CAMTA1: variants seen among roughly 807,000 people sequenced by gnomAD.
The protein encoded by CAMTA1 is calmodulin binding transcription activator 1.
CAMTA1 carries 27 observed loss-of-function variants against 170.9 expected under a neutral mutation model. The ratio of observed to expected loss-of-function variants is 0.16; its 90% CI spans 0.12 to 0.22. CAMTA1 has a LOEUF of 0.22. CAMTA1 is among the 10% of genes least tolerant of loss of function. The probability of loss-of-function intolerance (pLI) is 1.00; values close to 1 mark genes in which losing one functional copy is unlikely to be tolerated. For synonymous variants in CAMTA1, 833 were observed against 891.5 expected (o/e 0.93, Z 1.17); for missense variants, 1,619 against 2,217.2 (o/e 0.73, Z 5.42).
chr1:7,549,440 C>T lies in CAMTA1; in HGVS notation c.510+81539C>T, dbSNP rs536209662. ...CTTGGCCACCTCCCTCATCCTTATTCCCCCGATTGGTGCCCACAGAACCTG... is the reference window on the plus strand; with the variant it reads ...CTTGGCCACCTCCCTCATCCTTATTTCCCCGATTGGTGCCCACAGAACCTG... On this transcript the variant is annotated intron_variant, in intron 6 of 22. Coordinates refer to ENST00000303635, the MANE Select transcript of CAMTA1 (RefSeq NM_015215.4). Among the ~76,000 whole-genome samples, 99 of 152,224 alleles carry T rather than the reference C, an allele frequency of 6.5e-4. 2 individuals carry two copies. The South Asian group carries it at 0.02, about 31-fold the overall frequency.
At chr1:7,076,910 AGCTGGGT>A (rs1175851997) in intron 3 of CAMTA1, among the ~76,000 whole-genome samples, 1 of 152,224 alleles carries the variant, frequency 6.6e-6, no homozygotes, top group Admixed American at 6.5e-5. Flanking sequence ...AAATGCTCAA[AGCTGGGT>A]TGCTTGTTTG....
At chr1:7,552,580 C>T (rs1399508591) in intron 6 of CAMTA1, among the ~76,000 whole-genome samples, 1 of 152,248 alleles carries the variant, frequency 6.6e-6, no homozygotes. Flanking sequence ...CTCGCCTGGG[C>T]TTCAGGCCGC....
chr1:6,785,731 G>T (rs1055128232), intron 1 of CAMTA1, among the ~76,000 whole-genome samples, 156 bp downstream of exon 1: 8 of 137,028 alleles, frequency 5.8e-5, no homozygotes, highest in Admixed American at 2.8e-4. Context: ...CCGGCGGGGT[G>T]GGGGGGCGGA....
intron 5 of CAMTA1, among the ~76,000 whole-genome samples, chr1:7,281,995 T>C (rs1025664149): frequency 6.6e-6 from 1 of 152,166 alleles, no homozygotes; most frequent in African/African-American, 2.4e-5. Context: ...TCCTGAAGAA[T>C]GCACAGCTGC....
rs748363337 is a variant in CAMTA1, at chr1:7,674,122, CGGG to C, written c.2779+3086_2779+3088del. ...TTATGAGCACAAGCCAGGAACGACA[CGGG>C]AGGAGGGGGCACTGGCAACACAGTT... On this transcript the variant is annotated intron_variant, in intron 10 of 22. Coordinates refer to ENST00000303635, the MANE Select transcript of CAMTA1 (RefSeq NM_015215.4). The surrounding 1 kb of genome is among the most constrained non-coding windows in gnomAD (Gnocchi z 4.1). 2.5e-4 allele frequency among the ~76,000 whole-genome samples: 38 copies of C among 152,188 alleles called. No homozygotes were observed. Among genetic ancestry groups the C allele is most frequent in the Non-Finnish European group, 3.1e-4 (21 of 68,040 alleles).
chr1:6,909,371 C>G (rs1269911240), intron 3 of CAMTA1, among the ~76,000 whole-genome samples: 1 of 152,198 alleles, frequency 6.6e-6, no homozygotes, highest in Non-Finnish European at 1.5e-5. Context: ...CAGGAACTCC[C>G]TAAAAATGAC....
chr1:7,664,806 C>G lies in CAMTA1; in HGVS notation c.2259C>G (p.Gly753=). The G allele has an allele frequency of 6.2e-7, 1 of 1,613,178 alleles. No homozygotes were observed. Among genetic ancestry groups the G allele is most frequent in the Non-Finnish European group, 8.5e-7 (1 of 1,179,788 alleles). ...ACCCCGTGGCCCAGCCCAGCCTCGG[C>G]AACGCCTCCAACATGGAGCTCAGCC... ...GLYPVAQPSL[G]NASNMELSLD... The change falls in exon 9 of 23, where the codon GGC becomes GGG. Residue 753 remains glycine (G), a synonymous_variant. Coordinates refer to ENST00000303635, the MANE Select transcript of CAMTA1 (RefSeq NM_015215.4).
intron 6 of CAMTA1, among the ~76,000 whole-genome samples, chr1:7,559,287 G>A (rs1164345551): frequency 1.3e-5 from 2 of 152,162 alleles, no homozygotes; most frequent in African/African-American, 4.8e-5. Flanking sequence ...TCCTTCTCAA[G>A]GGCACACGGC....
rs571589624 is a variant in CAMTA1, at chr1:7,537,648, G to A, written c.510+69747G>A. ...AGCTGGGGCAGGATCTTCCCTAGAA[G>A]CTTCTCAGCCCGTCCTCACTGATGA... On this transcript the variant is annotated intron_variant, in intron 6 of 22. Transcript: ENST00000303635. 1.1e-4 allele frequency among the ~76,000 whole-genome samples: 17 copies of A among 152,278 alleles called. No homozygotes were observed. The South Asian group carries it at 3.5e-3, about 32-fold the overall frequency.
At chr1:7,687,235 CAAG>C (rs948207441) in intron 11 of CAMTA1, among the ~76,000 whole-genome samples, 1 of 151,358 alleles carries the variant, frequency 6.6e-6, no homozygotes, top group African/African-American at 2.4e-5. Flanking sequence ...AGGAGCTGGC[CAAG>C]GAGGGAGGGG....
At chr1:7,241,385 T>C (rs1664830133) in intron 4 of CAMTA1, among the ~76,000 whole-genome samples, 1 of 152,228 alleles carries the variant, frequency 6.6e-6, no homozygotes, top group African/African-American at 2.4e-5. Context: ...AATTGATTTC[T>C]AGATTCAGTA....
chr1:7,408,300 G>A (rs1376435339), intron 5 of CAMTA1, among the ~76,000 whole-genome samples: 1 of 152,250 alleles, frequency 6.6e-6, no homozygotes, highest in Non-Finnish European at 1.5e-5. Flanking sequence ...TGCTCAGCAA[G>A]GACTTGGCAC....
At chr1:7,701,311 G>T (rs75928117) in intron 11 of CAMTA1, among the ~76,000 whole-genome samples, 2,349 of 152,302 alleles carry the variant, frequency 0.015, 56 homozygotes, top group African/African-American at 0.054. Context: ...GCATCCAACA[G>T]ACTGAAATTC....
At chr1:7,174,073 C>T (rs1430203962) in intron 4 of CAMTA1, among the ~76,000 whole-genome samples, 3 of 152,160 alleles carry the variant, frequency 2.0e-5, no homozygotes, top group African/African-American at 7.2e-5. Flanking sequence ...CCCCTCCACT[C>T]CTCACCTCCC....
intron 5 of CAMTA1, among the ~76,000 whole-genome samples, chr1:7,273,116 G>A (rs758546296): frequency 3.3e-5 from 5 of 152,300 alleles, no homozygotes; most frequent in Admixed American, 1.3e-4. Context: ...GTTCACACAC[G>A]TGGAGAAATT....
chr1:7,255,837 A>C (rs1256544325), intron 5 of CAMTA1, among the ~76,000 whole-genome samples: 4 of 152,156 alleles, frequency 2.6e-5, no homozygotes, highest in Admixed American at 2.6e-4. Context: ...CCTGTGATTC[A>C]GTCCTGGCAG....
At chr1:6,865,372 G>C (rs1300307318) in intron 3 of CAMTA1, among the ~76,000 whole-genome samples, 1 of 152,184 alleles carries the variant, frequency 6.6e-6, no homozygotes, top group Non-Finnish European at 1.5e-5. Context: ...GCCTAGTGCA[G>C]AGTGTGGGGT....
At chr1:7,568,199 T>G (rs1349872940) in intron 6 of CAMTA1, among the ~76,000 whole-genome samples, 2 of 150,512 alleles carry the variant, frequency 1.3e-5, no homozygotes, top group African/African-American at 4.9e-5. Flanking sequence ...AACATCACCA[T>G]CATCATCACC....
At chr1:7,737,678 T>G (rs2096782289) in intron 15 of CAMTA1, 108 bp downstream of exon 15, 2 of 1,106,540 alleles carry the variant, frequency 1.8e-6, no homozygotes, top group Admixed American at 5.8e-5. Flanking sequence ...TTTCAGTTTT[T>G]TTGTTAATGT....
Sources: gnomAD v4.1 joint callset for allele counts (sites outside exome capture counted in the v4.1 genomes callset) on GRCh38, gnomAD v4.1.1 for gene constraint, Gnocchi (gnomAD v3.1) non-coding constraint, MANE v1.5 for transcripts, NCBI Gene and HGNC (gene_info 2026-07-23, HGNC 2026-07-21) for gene names.